The following MIAT variants were observed in gnomAD, a reference collection of about 807,000 sequenced individuals.
The protein encoded by MIAT is myocardial infarction associated transcript, also known as MI related novel mRNA.
At chr22:26,671,988 C>T (rs1476314000), downstream of MIAT, 46 of 398,756 alleles carry the variant, frequency 1.2e-4, 1 homozygote, top group Non-Finnish European at 2.0e-4. Flanking sequence ...CCACATTCTT[C>T]CTCCGTCTCA....
exon 5 of MIAT, chr22:26,675,640 A>C (rs1386881276): frequency 5.0e-6 from 2 of 398,566 alleles, no homozygotes; most frequent in Non-Finnish European, 8.8e-6. Context: ...GGTGAAAATA[A>C]AGGCTCGGAA....
At chr22:26,675,721 G>A in exon 5 of MIAT, 1 of 398,674 alleles carries the variant, frequency 2.5e-6, no homozygotes, top group Non-Finnish European at 4.4e-6. Flanking sequence ...GGGAAACACA[G>A]TCATAGGCTG....
At chr22:26,674,560 G>T, downstream of MIAT, 1 of 398,854 alleles carries the variant, frequency 2.5e-6, no homozygotes, top group South Asian at 1.3e-4. Context: ...TCTGGCAACT[G>T]TGGACTCAGA....
At chr22:26,663,108 T>C (rs1435369109) in intron 2 of MIAT, among the ~76,000 whole-genome samples, 2 of 152,208 alleles carry the variant, frequency 1.3e-5, no homozygotes, top group Non-Finnish European at 2.9e-5. Flanking sequence ...CAGGAATCCA[T>C]GCCATAAAAC....
intron 2 of MIAT, among the ~76,000 whole-genome samples, chr22:26,659,191 GC>G (rs1162728679): frequency 1.3e-5 from 2 of 152,096 alleles, no homozygotes; most frequent in East Asian, 3.9e-4. Context: ...AGGGAAGAGT[GC>G]CCCCACCTCG....
chr22:26,675,646 C>T (rs985032400), exon 5 of MIAT: 8 of 398,622 alleles, frequency 2.0e-5, no homozygotes, highest in East Asian at 1.1e-4. Context: ...AATAAAGGCT[C>T]GGAAGGGGAG....
downstream of MIAT, chr22:26,670,140 A>AT (rs932701889): frequency 1.3e-5 from 5 of 392,796 alleles, no homozygotes; most frequent in Non-Finnish European, 2.2e-5. Context: ...TTCCCTACCT[A>AT]TTTTCCTAGT....
chr22:26,662,631 G>A (rs536821937), intron 2 of MIAT, among the ~76,000 whole-genome samples: 3 of 152,308 alleles, frequency 2.0e-5, no homozygotes, highest in Non-Finnish European at 2.9e-5. Flanking sequence ...CCTGCGAGGC[G>A]CGTGGCACAT....
chr22:26,670,602 TAAAAAAAAAAAAAAA>T, downstream of MIAT: 2 of 308,104 alleles, frequency 6.5e-6, no homozygotes, highest in Non-Finnish European at 1.1e-5. Flanking sequence ...CATTGCTCCT[TAAAAAAAAAAAAAAA>T]AAAAAAAAAG....
intron 2 of MIAT, among the ~76,000 whole-genome samples, chr22:26,651,794 G>T (rs746115652): frequency 2.0e-5 from 3 of 152,306 alleles, no homozygotes; most frequent in African/African-American, 7.2e-5. Context: ...CAGCACAAAA[G>T]GTCACATATG....
chr22:26,673,141 A>C (rs781389730), downstream of MIAT: 9 of 398,478 alleles, frequency 2.3e-5, no homozygotes, highest in Middle Eastern at 6.2e-4. Context: ...AGAAGTGGGG[A>C]GCAAGAAGTG....
intron 2 of MIAT, among the ~76,000 whole-genome samples, chr22:26,661,958 A>G (rs1233177297): frequency 8.3e-5 from 4 of 48,140 alleles, no homozygotes. Flanking sequence ...ATATATATAT[A>G]TATACACACA....
At chr22:26,652,503 G>A (rs1569217343) in intron 2 of MIAT, among the ~76,000 whole-genome samples, 1 of 151,926 alleles carries the variant, frequency 6.6e-6, no homozygotes, top group South Asian at 2.1e-4. Context: ...GATTACAGGC[G>A]CCGCCACCAT....
chr22:26,673,606 C>T (rs1931147018), downstream of MIAT: 1 of 398,726 alleles, frequency 2.5e-6, no homozygotes. Context: ...TTACTGTTAA[C>T]AGCTTGGATG....
intron 2 of MIAT, chr22:26,657,200 T>C: frequency 7.4e-6 from 2 of 269,126 alleles, no homozygotes; most frequent in East Asian, 6.6e-5. Context: ...TGCGGCCTAA[T>C]GTGGACGGGC....
chr22:26,661,562 G>A (rs988067945), intron 2 of MIAT, among the ~76,000 whole-genome samples: 2 of 152,134 alleles, frequency 1.3e-5, no homozygotes, highest in Non-Finnish European at 2.9e-5. Context: ...GAGACTCCAT[G>A]ATAAGGCAGG....
exon 6 of MIAT, chr22:26,669,031 C>T: frequency 2.5e-6 from 1 of 398,620 alleles, no homozygotes; most frequent in Non-Finnish European, 4.4e-6. Context: ...TTAGCCCAGT[C>T]TCAGGACACT....
intron 3 of MIAT, among the ~76,000 whole-genome samples, chr22:26,664,891 A>G (rs1930789410): frequency 6.6e-6 from 1 of 152,244 alleles, no homozygotes; most frequent in Non-Finnish European, 1.5e-5. Flanking sequence ...TGAGTGGTGA[A>G]AATAATTTTT....
intron 2 of MIAT, chr22:26,657,239 G>A (rs1184163093): frequency 5.8e-6 from 2 of 344,190 alleles, no homozygotes; most frequent in African/African-American, 4.2e-5. Flanking sequence ...GCCGCGGGTG[G>A]GGATGCGGGA....
Sources: gnomAD v4.1 joint callset for allele counts (sites outside exome capture counted in the v4.1 genomes callset) on GRCh38, gnomAD v4.1.1 for gene constraint, MANE v1.5 for transcripts, NCBI Gene and HGNC (gene_info 2026-07-23, HGNC 2026-07-21) for gene names.